WWOX: variants seen among roughly 807,000 people sequenced by gnomAD.
WWOX encodes WW domain-containing oxidoreductase.
A neutral mutation model predicts 46.2 loss-of-function variants in WWOX; 69 were observed. The observed-to-expected ratio is 1.49, with a 90% CI of 1.23 to 1.82. The LOEUF is 1.82. Ranked by LOEUF, WWOX falls within the 40% of genes most tolerant of loss-of-function variation. The pLI is 0.00. For synonymous variants in WWOX, 359 were observed against 202.6 expected (o/e 1.77, Z -6.56); for missense variants, 919 against 542.6 (o/e 1.69, Z -6.89).
chr16:78,186,518 C>T (rs564114248), intron 5 of WWOX, among the ~76,000 whole-genome samples: 30 of 152,328 alleles, frequency 2.0e-4, no homozygotes, highest in Non-Finnish European at 3.4e-4. Flanking sequence ...AATGTCAGCA[C>T]TTTGGGAGGC....
rs754102799 is a variant in WWOX at position 78,386,930 on chromosome 16, C to G, written c.587C>G (p.Ala196Gly). ...CGTAGCGTGCAGCATTTTGCTGAAGCATTCAAGGCCAAGAATGTGTGAGTG... is the reference window on the plus strand; with the variant it reads ...CGTAGCGTGCAGCATTTTGCTGAAGGATTCAAGGCCAAGAATGTGTGAGTG... Reference protein sequence around the residue: ...LLRSVQHFAEAFKAKNVPLHV... With the variant: ...LLRSVQHFAEGFKAKNVPLHV... Residue 196 changes from alanine to glycine, a missense_variant, in exon 6 of 9, where the codon GCA (alanine) becomes GGA (glycine). Ala to Gly is a moderately conservative substitution (Grantham distance 60, BLOSUM62 0). Transcript: ENST00000566780. 8.7e-6 allele frequency: 14 copies of G among 1,613,982 alleles called. 1 individual carries two copies. In the South Asian group the frequency reaches 1.5e-4, roughly 18 times the overall value.
intron 8 of WWOX, among the ~76,000 whole-genome samples, chr16:78,535,950 G>A (rs181022204): frequency 7.8e-4 from 119 of 152,254 alleles, no homozygotes; most frequent in Non-Finnish European, 1.2e-3. Context: ...CACAAAATTC[G>A]TTGCATAGCA....
At chr16:78,141,430 C>CTT (rs10639685) in intron 4 of WWOX, among the ~76,000 whole-genome samples, 18,427 of 118,718 alleles carry the variant, frequency 0.16, 1,870 homozygotes, top group Non-Finnish European at 0.21. Context: ...CATCCCCCTT[C>CTT]TTTTTTTTTT....
At chr16:78,377,753 A>G (rs551313138) in intron 5 of WWOX, among the ~76,000 whole-genome samples, 144 of 152,342 alleles carry the variant, frequency 9.5e-4, no homozygotes, top group Non-Finnish European at 1.6e-3. Flanking sequence ...AATATTGCCA[A>G]TTACTGTCTA....
chr16:78,765,617 T>A (rs571254589), intron 8 of WWOX, among the ~76,000 whole-genome samples: 10 of 152,012 alleles, frequency 6.6e-5, no homozygotes, highest in Non-Finnish European at 1.2e-4. Context: ...AGGCAGACGT[T>A]GCAGTGAGCC....
At chr16:78,766,940 A>C (rs1456626890) in intron 8 of WWOX, among the ~76,000 whole-genome samples, 2 of 152,176 alleles carry the variant, frequency 1.3e-5, no homozygotes, top group Non-Finnish European at 2.9e-5. Context: ...CCCCTTCCTC[A>C]CTTCCCCAAG....
intron 8 of WWOX, among the ~76,000 whole-genome samples, chr16:78,804,771 C>T (rs894352695): frequency 2.0e-5 from 3 of 151,976 alleles, no homozygotes; most frequent in Non-Finnish European, 4.4e-5. Context: ...CTTGATAGTT[C>T]AGGTGTGCAG....
intron 5 of WWOX, among the ~76,000 whole-genome samples, chr16:78,368,502 A>C (rs547328555): frequency 2.6e-5 from 4 of 152,326 alleles, no homozygotes; most frequent in Admixed American, 1.3e-4. Flanking sequence ...CCACCCCATA[A>C]GGCTGCAAGC....
At chr16:79,079,583 C>G (rs556568499) in intron 8 of WWOX, among the ~76,000 whole-genome samples, 1 of 152,312 alleles carries the variant, frequency 6.6e-6, no homozygotes, top group East Asian at 1.9e-4. Flanking sequence ...TGCCTGTAAC[C>G]TTCTGAAACT....
intron 8 of WWOX, among the ~76,000 whole-genome samples, chr16:79,060,602 G>A (rs2048341284): frequency 6.6e-6 from 1 of 152,204 alleles, no homozygotes; most frequent in Non-Finnish European, 1.5e-5. Flanking sequence ...AGTGACATAT[G>A]TCTTATGTCT....
chr16:78,357,381 G>C (rs1054840604), intron 5 of WWOX, among the ~76,000 whole-genome samples: 3 of 152,094 alleles, frequency 2.0e-5, no homozygotes, highest in African/African-American at 4.8e-5. Flanking sequence ...GTGCCATCTT[G>C]CTTCTCCCTG....
intron 5 of WWOX, among the ~76,000 whole-genome samples, chr16:78,272,546 G>C (rs1567471375): frequency 6.6e-6 from 1 of 152,092 alleles, no homozygotes; most frequent in Admixed American, 6.6e-5. Flanking sequence ...ACTTTCTTCT[G>C]GTAGAAGTGA....
intron 8 of WWOX, among the ~76,000 whole-genome samples, chr16:79,209,968 C>T (rs532535479): frequency 6.6e-6 from 1 of 152,168 alleles, no homozygotes; most frequent in Non-Finnish European, 1.5e-5. Context: ...TAATATCTGG[C>T]TATTTGGAGT....
intron 2 of WWOX, among the ~76,000 whole-genome samples, chr16:78,108,795 C>G (rs991858579): frequency 6.6e-6 from 1 of 152,202 alleles, no homozygotes; most frequent in Non-Finnish European, 1.5e-5. Flanking sequence ...TGAGACTAGC[C>G]TGGCCAACAT....
At chr16:78,809,022 C>T (rs2051117501) in intron 8 of WWOX, among the ~76,000 whole-genome samples, 1 of 152,106 alleles carries the variant, frequency 6.6e-6, no homozygotes, top group Non-Finnish European at 1.5e-5. Context: ...TATGGCCTCA[C>T]AGGTTGCAGG....
chr16:78,901,236 A>G (rs559874806), intron 8 of WWOX, among the ~76,000 whole-genome samples: 5 of 152,358 alleles, frequency 3.3e-5, no homozygotes, highest in Admixed American at 1.3e-4. Context: ...TTTGAAAGCA[A>G]TAGTCTGGCA....
chr16:78,613,767 A>C (rs963430652), intron 8 of WWOX, among the ~76,000 whole-genome samples: 15 of 152,222 alleles, frequency 9.9e-5, no homozygotes, highest in Admixed American at 6.5e-4. Flanking sequence ...CAAGATCCCA[A>C]CCCCTTATCA....
chr16:78,898,604 C>T (rs1488615186), intron 8 of WWOX: 1 of 152,018 alleles, frequency 6.6e-6, no homozygotes, highest in Non-Finnish European at 1.5e-5. Flanking sequence ...AGATACTTTC[C>T]TTTTACATAT....
intron 8 of WWOX, among the ~76,000 whole-genome samples, chr16:79,024,239 G>T (rs1330776507): frequency 1.3e-5 from 2 of 152,246 alleles, no homozygotes; most frequent in East Asian, 3.9e-4. Context: ...CTTTAAGTGG[G>T]TGAATTTTAT....
Sources: gnomAD v4.1 joint callset for allele counts (sites outside exome capture counted in the v4.1 genomes callset) on GRCh38, gnomAD v4.1.1 for gene constraint, MANE v1.5 for transcripts, NCBI Gene and HGNC (gene_info 2026-07-23, HGNC 2026-07-21) for gene names.